The following PPP1R9A variants were observed in gnomAD, a reference collection of about 807,000 sequenced individuals.
The protein encoded by PPP1R9A is neurabin-1.
Under a neutral mutation model 141.9 loss-of-function variants are expected in PPP1R9A, and 59 were observed. That is an observed-to-expected ratio of 0.42 (90% CI 0.34 to 0.52). PPP1R9A has a LOEUF of 0.52. Ranked by LOEUF, PPP1R9A falls within the 20% of genes least tolerant of loss-of-function variation. The pLI is 0.10. For synonymous variants in PPP1R9A, 500 were observed against 569.7 expected (o/e 0.88, Z 1.74); for missense variants, 1,444 against 1,611.9 (o/e 0.90, Z 1.78).
At chr7:95,097,268 C>G (rs1393556960) in intron 2 of PPP1R9A, among the ~76,000 whole-genome samples, 2 of 152,126 alleles carry the variant, frequency 1.3e-5, no homozygotes, top group African/African-American at 4.8e-5. Context: ...TCAGGTGATG[C>G]GCCCACCTTG....
chr7:95,247,457 T>G lies in PPP1R9A; in HGVS notation c.2113-16T>G. 6.3e-7 allele frequency: 1 copy of G among 1,596,130 alleles called. No individual in the cohort carries two copies. The highest frequency in any genetic ancestry group is 8.6e-7 in the Non-Finnish European group (1 of 1,166,406). On this transcript the variant is annotated splice_polypyrimidine_tract_variant and intron_variant, in intron 8 of 19. Coordinates refer to ENST00000433360, the MANE Select transcript of PPP1R9A (RefSeq NM_001166160.2). Reference sequence around the variant, plus strand: ...ACTTTCTTAGTTCAGATTTTTTCTTTCTTTTCAATTTTCAGTTGCAAATCA... The same window carrying G: ...ACTTTCTTAGTTCAGATTTTTTCTTGCTTTTCAATTTTCAGTTGCAAATCA...
At chr7:95,059,798 C>T (rs979996018) in intron 2 of PPP1R9A, among the ~76,000 whole-genome samples, 2 of 152,074 alleles carry the variant, frequency 1.3e-5, no homozygotes, top group African/African-American at 4.8e-5. Flanking sequence ...TTCCTTCATT[C>T]CTAATGTGTA....
At chr7:95,252,220 T>TA (rs1798976402) in intron 12 of PPP1R9A, 90 bp downstream of exon 12, 1 of 1,336,398 alleles carries the variant, frequency 7.5e-7, no homozygotes, top group Admixed American at 2.8e-5. Flanking sequence ...ATTTAAAAGT[T>TA]GGAAATACCT....
In PPP1R9A at chr7:95,026,897, CGT is replaced by C. The variant is rs1287375024; in HGVS notation, c.1396-84361_1396-84360del. On this transcript the variant is annotated intron_variant, in intron 2 of 19. Coordinates refer to ENST00000433360, the MANE Select transcript of PPP1R9A (RefSeq NM_001166160.2). ...TGTTTACACTGTGAGGGGAAAACCA[CGT>C]ACTCAAGCCTCAGCAATGGCGGACA... Among the ~76,000 whole-genome samples the C allele has an allele frequency of 2.6e-5, 4 of 152,230 alleles. No individual in the cohort carries two copies. In the East Asian group the frequency reaches 7.8e-4, roughly 30 times the overall value.
chr7:95,204,841 CCA>C (rs977850766), intron 7 of PPP1R9A, among the ~76,000 whole-genome samples: 4 of 146,116 alleles, frequency 2.7e-5, no homozygotes, highest in Admixed American at 6.9e-5. Context: ...ACCCTCACAA[CCA>C]CACACACACC....
intron 16 of PPP1R9A, among the ~76,000 whole-genome samples, chr7:95,282,031 A>G (rs1451071743): frequency 6.6e-6 from 1 of 152,204 alleles, no homozygotes; most frequent in African/African-American, 2.4e-5. Context: ...CATTTTTACT[A>G]GAATGTGGAA....
intron 2 of PPP1R9A, among the ~76,000 whole-genome samples, chr7:94,990,737 G>C (rs1414225311): frequency 6.6e-6 from 1 of 151,350 alleles, no homozygotes; most frequent in Non-Finnish European, 1.5e-5. Context: ...AGTATTTTCT[G>C]TTCTACTTTA....
At chr7:95,134,814 G>A (rs1825347341) in intron 4 of PPP1R9A, among the ~76,000 whole-genome samples, 1 of 152,058 alleles carries the variant, frequency 6.6e-6, no homozygotes, top group Non-Finnish European at 1.5e-5. Context: ...TTTTTTCTTG[G>A]CAAATTTCCT....
At position 95,182,738 on chromosome 7, in the gene PPP1R9A, T is replaced by C. The variant is rs1247511956; in HGVS notation, c.1755-15611T>C. Among the ~76,000 whole-genome samples the C allele has an allele frequency of 3.3e-5, 5 of 152,288 alleles. 1 individual carries two copies. Among genetic ancestry groups the C allele is most frequent in the African/African-American group, 1.2e-4 (5 of 41,560 alleles). ...CCTAAGATGAGAGAAGCAACTACTATGGATTTTGGATCATGGATGTTAGAT... is the reference window on the plus strand; with the variant it reads ...CCTAAGATGAGAGAAGCAACTACTACGGATTTTGGATCATGGATGTTAGAT... On this transcript the variant is annotated intron_variant, in intron 5 of 19. Transcript: ENST00000433360.
Position 95,294,915 on chromosome 7 carries a change from C to A in PPP1R9A, c.*4612C>A, listed in dbSNP as rs1269045851. Reference sequence around the variant, plus strand: ...GTGTGGACCCAGCACAGTCTGTGACCTGATTCCAGATCCTCAAGAGTGGAG... The same window carrying A: ...GTGTGGACCCAGCACAGTCTGTGACATGATTCCAGATCCTCAAGAGTGGAG... On this transcript the variant is annotated 3_prime_UTR_variant, in exon 20 of 20. Transcript: ENST00000433360. 4.6e-5 allele frequency: 7 copies of A among 152,582 alleles called. No homozygotes were observed. Among genetic ancestry groups the A allele is most frequent in the African/African-American group, 1.2e-4 (5 of 41,442 alleles). 9.5% of individuals were successfully genotyped at this position (152,582 alleles called of 1,614,324 possible).
chr7:95,077,821 T>G (rs1815096364), intron 2 of PPP1R9A, among the ~76,000 whole-genome samples: 1 of 152,094 alleles, frequency 6.6e-6, no homozygotes, highest in Non-Finnish European at 1.5e-5. Context: ...AGAGTAAGGT[T>G]TGTTATGCAG....
chr7:95,066,897 T>C (rs1480727587), intron 2 of PPP1R9A, among the ~76,000 whole-genome samples: 2 of 152,188 alleles, frequency 1.3e-5, no homozygotes, highest in Non-Finnish European at 2.9e-5. Flanking sequence ...CCAAGACATG[T>C]CATTTAGAAA....
chr7:95,192,622 A>G (rs901423553), intron 5 of PPP1R9A, among the ~76,000 whole-genome samples: 2 of 152,090 alleles, frequency 1.3e-5, no homozygotes, highest in Non-Finnish European at 2.9e-5. Flanking sequence ...TCTGGTTAGT[A>G]TACTCATTTT....
chr7:95,009,074 T>G (rs1434730857), intron 2 of PPP1R9A, among the ~76,000 whole-genome samples: 1 of 152,078 alleles, frequency 6.6e-6, no homozygotes, highest in Non-Finnish European at 1.5e-5. Context: ...CACCGCATGT[T>G]CTCACTCATA....
At chr7:95,266,593 GCTACTCA>G (rs1459897266) in intron 12 of PPP1R9A, among the ~76,000 whole-genome samples, 6 of 152,034 alleles carry the variant, frequency 3.9e-5, no homozygotes, top group South Asian at 4.1e-4. Flanking sequence ...ATGAGGGCAT[GCTACTCA>G]AGTTCTCTGA....
At chr7:95,105,472 T>C (rs188899684) in intron 2 of PPP1R9A, among the ~76,000 whole-genome samples, 22 of 152,332 alleles carry the variant, frequency 1.4e-4, no homozygotes, top group Admixed American at 1.2e-3. Context: ...ATATCACTTA[T>C]TGGCTCTGAA....
chr7:94,950,872 C>T (rs1415741088), intron 2 of PPP1R9A, among the ~76,000 whole-genome samples: 2 of 152,064 alleles, frequency 1.3e-5, no homozygotes, highest in African/African-American at 4.8e-5. Context: ...TCAGCCTCCC[C>T]TAGTAGTTGG....
intron 2 of PPP1R9A, among the ~76,000 whole-genome samples, chr7:95,072,367 T>TGG (rs1584534167): frequency 6.9e-6 from 1 of 144,442 alleles, no homozygotes; most frequent in East Asian, 2.0e-4. Context: ...ATAATATTAT[T>TGG]ATTTGTGAGA....
chr7:95,255,775 TTA>T (rs1209641123), intron 12 of PPP1R9A, among the ~76,000 whole-genome samples: 1 of 152,140 alleles, frequency 6.6e-6, no homozygotes, highest in Non-Finnish European at 1.5e-5. Flanking sequence ...TTCATGGTCT[TTA>T]TGTTGAAAAG....
Sources: gnomAD v4.1 joint callset for allele counts (sites outside exome capture counted in the v4.1 genomes callset) on GRCh38, gnomAD v4.1.1 for gene constraint, MANE v1.5 for transcripts, NCBI Gene and HGNC (gene_info 2026-07-23, HGNC 2026-07-21) for gene names.